The following EFTUD2 variants were observed in gnomAD, a reference collection of about 807,000 sequenced individuals.
EFTUD2 encodes the protein elongation factor Tu GTP binding domain containing 2, also known as 116 kDa U5 small nuclear ribonucleoprotein component.
In EFTUD2, 9 loss-of-function variants were observed where a neutral mutation model predicts 114.3. The observed-to-expected ratio is 0.08, with a 90% CI of 0.05 to 0.14. The LOEUF (loss-of-function observed/expected upper bound fraction) is 0.14, where lower values mean the gene tolerates loss of function less well. EFTUD2 is among the 10% of genes least tolerant of loss of function. The probability of loss-of-function intolerance (pLI) is 1.00; values close to 1 mark genes in which losing one functional copy is unlikely to be tolerated. For synonymous variants in EFTUD2, 449 were observed against 462.3 expected, an observed-to-expected ratio of 0.97 and a Z score of 0.37; for missense variants, 765 against 1,241.2, an observed-to-expected ratio of 0.62 and a Z score of 5.76.
chr17:44,885,678 T>G (rs185972235), intron 3 of EFTUD2, among the ~76,000 whole-genome samples: 43 of 152,198 alleles, frequency 2.8e-4, no homozygotes, highest in African/African-American at 9.1e-4. Flanking sequence ...CTTTTTTTTT[T>G]GGGAGACAGG....
intron 7 of EFTUD2, 141 bp from the exon 8 acceptor site, chr17:44,880,785 T>A: frequency 3.3e-6 from 2 of 600,552 alleles, no homozygotes; most frequent in Non-Finnish European, 5.9e-6. Flanking sequence ...CTAGCCAGCA[T>A]GACCTTGAAG....
chr17:44,892,053 C>T (rs1213081303), intron 2 of EFTUD2: 1 of 152,226 alleles, frequency 6.6e-6, no homozygotes, highest in Non-Finnish European at 1.5e-5. Context: ...AGCCACCACG[C>T]CTGGCCTATT....
In EFTUD2 at chr17:44,859,992, A is replaced by G. The variant is rs757236547; in HGVS notation, c.1773T>C (p.Ala591=). The G allele has an allele frequency of 1.1e-5, 17 of 1,614,092 alleles. No individual in the cohort carries two copies. In the South Asian group the frequency reaches 1.2e-4, roughly 11 times the overall value. ...KFNTTSVIKI[A]VEPVNPSELP... ...GCTCTGAGGGGTTGACTGGCTCCACAGCAATCTTGATAACAGATGTGGTAT... is the reference window on the plus strand; with the variant it reads ...GCTCTGAGGGGTTGACTGGCTCCACGGCAATCTTGATAACAGATGTGGTAT... The change falls in exon 18 of 28, where the codon GCT becomes GCC. Residue 591 remains alanine (A), a synonymous_variant. Transcript: ENST00000426333.
At chr17:44,897,173 G>A (rs1049666072) in intron 1 of EFTUD2, among the ~76,000 whole-genome samples, 8 of 135,374 alleles carry the variant, frequency 5.9e-5, no homozygotes, top group East Asian at 2.3e-4. Flanking sequence ...CGGAGACAGC[G>A]CCACTGCACT....
intron 19 of EFTUD2, chr17:44,857,414 A>C: frequency 2.5e-6 from 1 of 395,568 alleles, no homozygotes; most frequent in Non-Finnish European, 4.8e-6. Flanking sequence ...CTAGGGCCTT[A>C]ATTCTAGTCT....
chr17:44,862,832 C>T lies in EFTUD2; in HGVS notation c.1488G>A (p.Val496=), dbSNP rs760750025. Residue 496 remains valine (V), a synonymous_variant, in exon 16 of 28, where the codon GTG becomes GTA. Transcript: ENST00000426333. ...GCCCAGCATGAATGGTGCCACTCAG[C>T]ACCCGGCCAAAGGCGTGAAACTGGA... ...DGVQFHAFGR[V]LSGTIHAGQP... is the part of the protein sequence containing the mutation. 5.6e-6 allele frequency: 9 copies of T among 1,614,088 alleles called. No individual in the cohort carries two copies. In the African/African-American group the frequency reaches 9.3e-5, roughly 17 times the overall value.
intron 2 of EFTUD2, 136 bp from the exon 3 acceptor site, chr17:44,886,886 G>A (rs1388591518): frequency 1.4e-6 from 2 of 1,410,138 alleles, no homozygotes; most frequent in South Asian, 1.4e-5. Flanking sequence ...CAGTGGGGGA[G>A]GTTCCACTCC....
intron 13 of EFTUD2, among the ~76,000 whole-genome samples, chr17:44,867,297 A>ATTTT (rs3058538): frequency 8.2e-5 from 10 of 121,320 alleles, no homozygotes; most frequent in East Asian, 2.4e-4. Flanking sequence ...CTTTCCTTTG[A>ATTTT]TTTTTTTTTT....
At position 44,850,240 on chromosome 17, in the gene EFTUD2, G is replaced by A; in HGVS notation, c.*1034C>T. 1.1e-6 allele frequency: 1 copy of A among 913,788 alleles called. No individual in the cohort carries two copies. The highest frequency in any genetic ancestry group is 2.2e-5 in the Admixed American group (1 of 45,346). 56.6% of individuals were successfully genotyped at this position (913,788 alleles called of 1,614,324 possible). ...AGCGGGAAGCTGGACTCTCAAGGGA[G>A]CAGCTAGAGGTGAACCCCTAGGACG... On this transcript the variant is annotated 3_prime_UTR_variant, in exon 28 of 28. Coordinates refer to ENST00000426333, the MANE Select transcript of EFTUD2 (RefSeq NM_004247.4).
intron 1 of EFTUD2, 44 bp from the exon 2 acceptor site, chr17:44,894,569 A>G: frequency 6.7e-7 from 1 of 1,483,666 alleles, no homozygotes; most frequent in Non-Finnish European, 9.4e-7. Context: ...CAAGGTAATC[A>G]AGGCCTTCAT....
In EFTUD2 at chr17:44,880,547, G is replaced by A. The variant is rs1172564325; in HGVS notation, c.619+7C>T. 1 of 1,610,780 alleles carries A rather than the reference G, an allele frequency of 6.2e-7. No individual in the cohort carries two copies. Reference sequence around the variant, plus strand: ...TTCTAATAATCAAAAGCCAAAGGATGTCCTACCTGGAGTGTCCATGATATT... The same window carrying A: ...TTCTAATAATCAAAAGCCAAAGGATATCCTACCTGGAGTGTCCATGATATT... On this transcript the variant is annotated splice_region_variant and intron_variant, in intron 8 of 27. Transcript: ENST00000426333.
chr17:44,875,919 C>T lies in EFTUD2; in HGVS notation c.869+15G>A. On this transcript the variant is annotated intron_variant, in intron 10 of 27. Transcript: ENST00000426333. ...GCCTCCGAGGACAGGAAATCCACTCCCAGGGGTTTTCTACCTTATTAATCC... is the reference window on the plus strand; with the variant it reads ...GCCTCCGAGGACAGGAAATCCACTCTCAGGGGTTTTCTACCTTATTAATCC... 1 of 1,610,740 alleles carries T rather than the reference C, an allele frequency of 6.2e-7. No homozygotes were observed. The highest frequency in any genetic ancestry group is 8.5e-7 in the Non-Finnish European group (1 of 1,177,794).
intron 4 of EFTUD2, 67 bp from the exon 5 acceptor site, chr17:44,883,791 G>T: frequency 6.6e-7 from 1 of 1,518,038 alleles, no homozygotes; most frequent in Non-Finnish European, 9.1e-7. Context: ...GTGGTGTAAA[G>T]GTGTTTCAGG....
At position 44,880,549 on chromosome 17, in the gene EFTUD2, C is replaced by T. The variant is rs1375280885; in HGVS notation, c.619+5G>A. 1 of 1,611,668 alleles carries T rather than the reference C, an allele frequency of 6.2e-7. No homozygotes were observed. Among genetic ancestry groups the T allele is most frequent in the Non-Finnish European group, 8.5e-7 (1 of 1,178,252 alleles). On this transcript the variant is annotated splice_donor_5th_base_variant and intron_variant, in intron 8 of 27. Coordinates refer to ENST00000426333, the MANE Select transcript of EFTUD2 (RefSeq NM_004247.4). ...CTAATAATCAAAAGCCAAAGGATGT[C>T]CTACCTGGAGTGTCCATGATATTGA...
rs2050517386 is a variant in EFTUD2 at position 44,854,793 on chromosome 17, C to G, written c.2133-111G>C. ...AGTCACTTCATCCTACCCACTGTGCCCAGAACAAGAGCAAAGGCAAAGACA... is the reference window on the plus strand; with the variant it reads ...AGTCACTTCATCCTACCCACTGTGCGCAGAACAAGAGCAAAGGCAAAGACA... On this transcript the variant is annotated intron_variant, in intron 21 of 27. Coordinates refer to ENST00000426333, the MANE Select transcript of EFTUD2 (RefSeq NM_004247.4). The surrounding 1 kb of genome is among the most constrained non-coding windows in gnomAD (Gnocchi z 4.3). 1.9e-6 allele frequency: 3 copies of G among 1,577,204 alleles called. No individual in the cohort carries two copies. Among genetic ancestry groups the G allele is most frequent in the African/African-American group, 2.7e-5 (2 of 74,210 alleles).
intron 12 of EFTUD2, 91 bp downstream of exon 12, chr17:44,868,196 A>T: frequency 1.7e-6 from 2 of 1,181,026 alleles, no homozygotes; most frequent in Non-Finnish European, 1.2e-6. Flanking sequence ...AAAAGTAGGT[A>T]TTTAATCTTT....
chr17:44,854,932 C>G lies in EFTUD2; in HGVS notation c.2118G>C (p.Gln706His). Residue 706 changes from glutamine to histidine, a missense_variant, in exon 21 of 28, where the codon CAG becomes CAC. Physicochemically the swap from Gln to His is conservative, Grantham distance 24. Around this residue, in one of 6 missense-constraint regions of EFTUD2, gnomAD observed 166 missense variants for 401.5 expected, o/e 0.41. Coordinates refer to ENST00000426333, the MANE Select transcript of EFTUD2 (RefSeq NM_004247.4). This position sits in a 1 kb window ranked among gnomAD's most constrained non-coding sequence, Gnocchi z 4.3. ...LAEDIENEVV[Q>H]ITWNRKKLGE... ...CCTGTTCTCACCTGTTCCACGTAAT[C>G]TGGACCACCTCATTCTCTATGTCCT... The G allele has an allele frequency of 6.2e-7, 1 of 1,614,180 alleles. No individual in the cohort carries two copies. Among genetic ancestry groups the G allele is most frequent in the Non-Finnish European group, 8.5e-7 (1 of 1,180,014 alleles).
Position 44,876,325 on chromosome 17 carries a change from A to T in EFTUD2, c.703-225T>A, listed in dbSNP as rs548557922. Among the ~76,000 whole-genome samples the T allele has an allele frequency of 4.6e-5, 7 of 152,312 alleles. 1 individual carries two copies. The East Asian group carries it at 1.4e-3, about 29-fold the overall frequency. On this transcript the variant is annotated intron_variant, in intron 9 of 27. Coordinates refer to ENST00000426333, the MANE Select transcript of EFTUD2 (RefSeq NM_004247.4). ...GAAATGAATAAACCCATGAACAATG[A>T]TGTTGGGAGCCAGGTTTCTCAGTGC...
chr17:44,883,588 TA>T, intron 5 of EFTUD2, 60 bp downstream of exon 5: 1 of 1,520,332 alleles, frequency 6.6e-7, no homozygotes, highest in Non-Finnish European at 9.1e-7. Context: ...CTCTAAGGGC[TA>T]AAACATGAGC....
Sources: allele counts gnomAD v4.1 joint callset (sites outside exome capture counted in the v4.1 genomes callset), GRCh38; gene constraint gnomAD v4.1.1; regional missense constraint gnomAD v4.1.1; non-coding constraint Gnocchi (gnomAD v3.1); transcripts MANE v1.5; gene names NCBI Gene and HGNC (gene_info 2026-07-23, HGNC 2026-07-21).